The following CEP83 variants were observed in gnomAD, a reference collection of about 807,000 sequenced individuals.
CEP83 encodes the protein centrosomal protein 83.
In CEP83, 70 loss-of-function variants were observed where a neutral mutation model predicts 101.9. The observed-to-expected ratio is 0.69, with a 90% confidence interval of 0.57 to 0.84. The LOEUF (loss-of-function observed/expected upper bound fraction) is 0.84, where lower values mean the gene tolerates loss of function less well. Among genes scored for constraint, CEP83 ranks in the 40% least tolerant of loss-of-function variants. The pLI is 0.00. For missense variants in CEP83, 715 were observed against 787.2 expected (o/e 0.91, Z 1.10); for synonymous variants, 264 against 267.9 (o/e 0.99, Z 0.14).
rs1335066130 is a variant in CEP83 at position 94,308,387 on chromosome 12, C to CT, written c.*425dup. On this transcript the variant is annotated 3_prime_UTR_variant, in exon 17 of 17. Transcript: ENST00000397809. ...TTTAGGCTGACTTTTAAATTGTCAT[C>CT]TTTTTTCAACTACAGTTTTTGTATA... The CT allele has an allele frequency of 6.6e-6, 1 of 152,548 alleles. No homozygotes were observed. The highest frequency in any genetic ancestry group is 1.9e-4 in the East Asian group (1 of 5,224). The allele number at this position is 152,548 out of a possible 1,614,324, so 9.4% of individuals were successfully genotyped here.
the CEP83 span, among the ~76,000 whole-genome samples, chr12:94,283,615 G>C: frequency 1.3e-5 from 2 of 152,196 alleles, no homozygotes; most frequent in Non-Finnish European, 2.9e-5. Flanking sequence ...AGTTTTTAAG[G>C]ACAACTTGGT....
At chr12:94,277,354 G>A in the CEP83 span, among the ~76,000 whole-genome samples, 106 of 152,232 alleles carry the variant, frequency 7.0e-4, no homozygotes, top group African/African-American at 2.5e-3. Flanking sequence ...CCTGGAGTTA[G>A]GGGGACATCA....
downstream of CEP83, chr12:94,305,516 G>GCAAA (rs1266948520): frequency 6.6e-6 from 3 of 453,192 alleles, no homozygotes; most frequent in African/African-American, 3.9e-5. Context: ...AGTGGTTGTT[G>GCAAA]CAAACAGCCT....
the CEP83 span, among the ~76,000 whole-genome samples, chr12:94,293,400 T>C: frequency 6.6e-6 from 1 of 152,224 alleles, no homozygotes; most frequent in South Asian, 2.1e-4. Context: ...CATTTCTTAA[T>C]AGAGTAGTGT....
chr12:94,375,399 C>CA (rs1191421450), intron 8 of CEP83, among the ~76,000 whole-genome samples: 8 of 151,996 alleles, frequency 5.3e-5, no homozygotes, highest in Admixed American at 4.6e-4. Context: ...TGAGTTTGCT[C>CA]AAAGAGTGAG....
At chr12:94,303,956 C>T (rs777648185), downstream of CEP83, 11 of 1,606,540 alleles carry the variant, frequency 6.8e-6, no homozygotes, top group South Asian at 1.1e-4. Context: ...TTCAGAATCT[C>T]TCAACAAGTC....
At chr12:94,349,613 C>T (rs750292523) in intron 11 of CEP83, among the ~76,000 whole-genome samples, 1 of 152,196 alleles carries the variant, frequency 6.6e-6, no homozygotes, top group Non-Finnish European at 1.5e-5. Context: ...AATAGAAGGA[C>T]ACTACCTCAA....
chr12:94,314,260 T>A (rs1373591521), intron 14 of CEP83, among the ~76,000 whole-genome samples: 2 of 152,160 alleles, frequency 1.3e-5, no homozygotes, highest in Non-Finnish European at 2.9e-5. Context: ...ATGCATAGAA[T>A]AGAAACGTAA....
chr12:94,265,813 C>T, the CEP83 span, among the ~76,000 whole-genome samples: 1 of 151,884 alleles, frequency 6.6e-6, no homozygotes, highest in African/African-American at 2.4e-5. Context: ...GAGGGTTTCA[C>T]CCGCTTGAGA....
At chr12:94,415,773 G>A (rs1283284242) in intron 2 of CEP83, among the ~76,000 whole-genome samples, 1 of 151,970 alleles carries the variant, frequency 6.6e-6, no homozygotes, top group Non-Finnish European at 1.5e-5. Flanking sequence ...ACTATTCTTG[G>A]TAACTAATGG....
chr12:94,359,808 C>G (rs1344906737), intron 11 of CEP83, among the ~76,000 whole-genome samples: 2 of 152,072 alleles, frequency 1.3e-5, no homozygotes, highest in Non-Finnish European at 2.9e-5. Flanking sequence ...ACACCAAAAC[C>G]AGACAGGGAC....
At chr12:94,422,032 T>G (rs1312045490) in intron 2 of CEP83, among the ~76,000 whole-genome samples, 1 of 152,224 alleles carries the variant, frequency 6.6e-6, no homozygotes, top group African/African-American at 2.4e-5. Context: ...CTGGCATGCC[T>G]ATATAGGCCC....
At chr12:94,399,997 T>C (rs2063158137) in intron 6 of CEP83, among the ~76,000 whole-genome samples, 1 of 152,220 alleles carries the variant, frequency 6.6e-6, no homozygotes, top group Admixed American at 6.5e-5. Context: ...ATAGAACAGT[T>C]TTAGTTTTTA....
intron 2 of CEP83, chr12:94,424,819 A>G: frequency 6.2e-7 from 1 of 1,602,158 alleles, no homozygotes; most frequent in South Asian, 1.1e-5. Flanking sequence ...TCAGCTGGTC[A>G]TTTCCATTGC....
chr12:94,375,751 T>C, intron 8 of CEP83, 135 bp downstream of exon 8: 1 of 465,838 alleles, frequency 2.1e-6, no homozygotes, highest in Non-Finnish European at 3.6e-6. Flanking sequence ...TACTGATCAA[T>C]GTATTTATTT....
chr12:94,353,639 T>A (rs1218360829), intron 11 of CEP83, among the ~76,000 whole-genome samples: 1 of 151,248 alleles, frequency 6.6e-6, no homozygotes, highest in Non-Finnish European at 1.5e-5. Flanking sequence ...ATAGACTGGG[T>A]AAAGGCATAA....
the CEP83 span, among the ~76,000 whole-genome samples, chr12:94,276,565 A>G: frequency 6.6e-6 from 1 of 152,212 alleles, no homozygotes; most frequent in African/African-American, 2.4e-5. Flanking sequence ...TCTGGCTTCA[A>G]TTCCTGGTTC....
At chr12:94,309,124 G>A (rs184165485) in intron 16 of CEP83, among the ~76,000 whole-genome samples, 10 of 152,208 alleles carry the variant, frequency 6.6e-5, no homozygotes, top group African/African-American at 9.6e-5. Flanking sequence ...AGCAAAACCC[G>A]TAGTCTGTTC....
chr12:94,431,674 G>A (rs2065635912), intron 2 of CEP83, among the ~76,000 whole-genome samples: 1 of 151,362 alleles, frequency 6.6e-6, no homozygotes, highest in South Asian at 2.1e-4. Flanking sequence ...CGACCAATGG[G>A]TATATGAAAA....
Sources: gnomAD v4.1 joint callset for allele counts (sites outside exome capture counted in the v4.1 genomes callset) on GRCh38, gnomAD v4.1.1 for gene constraint, MANE v1.5 for transcripts, NCBI Gene and HGNC (gene_info 2026-07-23, HGNC 2026-07-21) for gene names.